Variants in FNIP1 observed in about 807,000 individuals in gnomAD.
FNIP1 encodes the protein folliculin-interacting protein 1.
In FNIP1, 40 loss-of-function variants were observed where a neutral mutation model predicts 124.5. That is an observed-to-expected ratio of 0.32 (90% CI 0.25 to 0.42). The LOEUF is 0.42. Among genes scored for constraint, FNIP1 ranks in the 10% least tolerant of loss-of-function variants. The pLI, the probability that FNIP1 is intolerant of heterozygous loss-of-function variation, is 1.00. For missense variants in FNIP1, 1,176 were observed against 1,403.7 expected, an observed-to-expected ratio of 0.84 and a Z score of 2.59; for synonymous variants, 472 against 470.6, an observed-to-expected ratio of 1.00 and a Z score of -0.04.
chr5:131,666,601 G>A (rs1248215691), intron 15 of FNIP1, among the ~76,000 whole-genome samples: 1 of 152,070 alleles, frequency 6.6e-6, no homozygotes, highest in Non-Finnish European at 1.5e-5. Context: ...CCCCATCTAT[G>A]TAACTTAAAA....
chr5:131,641,884 T>G lies in FNIP1; in HGVS notation c.*2801A>C, dbSNP rs1766729063. 6.5e-6 allele frequency: 1 copy of G among 152,736 alleles called. No homozygotes were observed. The highest frequency in any genetic ancestry group is 2.1e-4 in the South Asian group (1 of 4,832). 9.5% of individuals were successfully genotyped at this position (152,736 alleles called of 1,614,324 possible). On this transcript the variant is annotated 3_prime_UTR_variant, in exon 18 of 18. Coordinates refer to ENST00000510461, the MANE Select transcript of FNIP1 (RefSeq NM_133372.3). The stretch of plus-strand genomic sequence containing the variant: ...AATCTCATAAGACATCTACCAGAAG[T>G]AGGCATTATGTAAAATCTGTTTTTT...
chr5:131,659,136 C>T (rs1767312892), intron 15 of FNIP1, among the ~76,000 whole-genome samples: 1 of 152,106 alleles, frequency 6.6e-6, no homozygotes, highest in Non-Finnish European at 1.5e-5. Flanking sequence ...GACAGCAAGG[C>T]CAGGATGGAG....
At chr5:131,700,529 G>C (rs182819084) in intron 10 of FNIP1, among the ~76,000 whole-genome samples, 1 of 152,274 alleles carries the variant, frequency 6.6e-6, no homozygotes, top group Admixed American at 6.5e-5. Flanking sequence ...AAGCTTCAGA[G>C]GGTGAAAGTG....
chr5:131,690,016 C>G (rs1340257305), intron 11 of FNIP1, among the ~76,000 whole-genome samples: 5 of 151,926 alleles, frequency 3.3e-5, no homozygotes, highest in Non-Finnish European at 1.5e-5. Context: ...GTCAGGAGAT[C>G]GAGGCCATCC....
At chr5:131,691,090 A>T (rs1768464713) in intron 11 of FNIP1, among the ~76,000 whole-genome samples, 1 of 152,200 alleles carries the variant, frequency 6.6e-6, no homozygotes, top group Non-Finnish European at 1.5e-5. Context: ...ATTTGCCAAA[A>T]TGGACCACAT....
intron 15 of FNIP1, among the ~76,000 whole-genome samples, chr5:131,658,854 C>G (rs1767292238): frequency 7.4e-6 from 1 of 134,534 alleles, no homozygotes; most frequent in Non-Finnish European, 1.5e-5. Flanking sequence ...GATGCTTGCT[C>G]CAGCTGACTG....
rs763829424 is a variant in FNIP1 at position 131,796,849 on chromosome 5, C to A, written c.73G>T (p.Asp25Tyr). ...CCCTACCTGAACCCGCAATCTGGGT[C>A]CCGGGCGTCGCGGCCGGGCGCGCCC... is the stretch of plus-strand genomic sequence containing the variant. ...GLGAPGRDAR[D>Y]PDCGFSWPLP... Residue 25 changes from aspartate (D) to tyrosine (Y), a missense_variant, in exon 1 of 18, where the codon GAC becomes TAC. Around this residue, in one of 2 missense-constraint regions of FNIP1, gnomAD observed 1,109 missense variants for 1,288.5 expected, o/e 0.86. Transcript: ENST00000510461. 6.3e-7 allele frequency: 1 copy of A among 1,599,952 alleles called. No homozygotes were observed. Among genetic ancestry groups the A allele is most frequent in the South Asian group, 1.1e-5 (1 of 88,950 alleles).
chr5:131,650,030 A>G (rs562839214), intron 16 of FNIP1, among the ~76,000 whole-genome samples: 7 of 152,290 alleles, frequency 4.6e-5, no homozygotes, highest in Admixed American at 6.5e-5. Context: ...TAGCTTTGTA[A>G]TAAGTTTTGA....
In FNIP1 at chr5:131,672,780, T is replaced by G. The variant is rs1767803088; in HGVS notation, c.1664A>C (p.Glu555Ala). The change falls in exon 14 of 18, where the codon GAA becomes GCA. Residue 555 changes from glutamate to alanine, a missense_variant. By Grantham distance (107) the Glu-to-Ala change is moderately radical. This residue lies in a region of FNIP1 where 1,109 missense variants were observed against 1,288.5 expected (regional missense o/e 0.86). Transcript: ENST00000510461. ...CSELQETHLL[E>A]NGEDEAIVMP... is the part of the protein sequence containing the mutation. Reference sequence around the variant, plus strand: ...AACGATGGCTTCATCTTCTCCATTTTCTAAAAGATGCGTTTCTTGAAGTTC... The same window carrying G: ...AACGATGGCTTCATCTTCTCCATTTGCTAAAAGATGCGTTTCTTGAAGTTC... 1 of 1,613,574 alleles carries G rather than the reference T, an allele frequency of 6.2e-7. No homozygotes were observed. Among genetic ancestry groups the G allele is most frequent in the African/African-American group, 1.3e-5 (1 of 74,892 alleles).
chr5:131,729,981 TC>T (rs1770023489), intron 3 of FNIP1, among the ~76,000 whole-genome samples: 1 of 151,874 alleles, frequency 6.6e-6, no homozygotes, highest in African/African-American at 2.4e-5. Flanking sequence ...CCTCAGGTGA[TC>T]CGCCCACCTC....
intron 1 of FNIP1, among the ~76,000 whole-genome samples, chr5:131,768,161 G>A (rs1379650426): frequency 1.3e-5 from 2 of 152,012 alleles, no homozygotes; most frequent in African/African-American, 2.4e-5. Context: ...AATTTAACAT[G>A]CATAAAATTA....
chr5:131,757,318 A>C (rs1319066356), intron 1 of FNIP1, among the ~76,000 whole-genome samples: 1 of 152,186 alleles, frequency 6.6e-6, no homozygotes, highest in Non-Finnish European at 1.5e-5. Flanking sequence ...GAAGGCCAAA[A>C]TGTTAGATGT....
chr5:131,732,921 G>A (rs1411232305), intron 2 of FNIP1, among the ~76,000 whole-genome samples: 19 of 152,302 alleles, frequency 1.2e-4, no homozygotes, highest in Non-Finnish European at 7.4e-5. Flanking sequence ...ACCTTGGGCA[G>A]TATGGCTATT....
At chr5:131,764,449 T>C (rs1771352131) in intron 1 of FNIP1, among the ~76,000 whole-genome samples, 1 of 151,382 alleles carries the variant, frequency 6.6e-6, no homozygotes, top group Non-Finnish European at 1.5e-5. Context: ...GGACCACAGG[T>C]GTCCACCACC....
chr5:131,780,112 C>T (rs1426465348), intron 1 of FNIP1, among the ~76,000 whole-genome samples: 1 of 152,028 alleles, frequency 6.6e-6, no homozygotes, highest in Non-Finnish European at 1.5e-5. Flanking sequence ...GACACTGACA[C>T]ATTCAAAGCC....
At chr5:131,753,576 T>C (rs1025915001) in intron 1 of FNIP1, among the ~76,000 whole-genome samples, 8 of 152,166 alleles carry the variant, frequency 5.3e-5, no homozygotes, top group African/African-American at 1.4e-4. Flanking sequence ...AAAGCAGTGA[T>C]CAGGGATAGG....
chr5:131,745,387 G>A (rs1770643183), intron 1 of FNIP1, among the ~76,000 whole-genome samples: 1 of 152,076 alleles, frequency 6.6e-6, no homozygotes, highest in African/African-American at 2.4e-5. Context: ...AGGCATGGCA[G>A]CACACATCTG....
intron 1 of FNIP1, among the ~76,000 whole-genome samples, chr5:131,787,953 C>T (rs562845956): frequency 6.6e-6 from 1 of 152,192 alleles, no homozygotes; most frequent in South Asian, 2.1e-4. Context: ...CAACTCAAGC[C>T]TGGGTGACAC....
At position 131,693,348 on chromosome 5, in the gene FNIP1, A is replaced by G. The variant is rs552798268; in HGVS notation, c.1202+5569T>C. On this transcript the variant is annotated intron_variant, in intron 11 of 17. Coordinates refer to ENST00000510461, the MANE Select transcript of FNIP1 (RefSeq NM_133372.3). ...TATATATATACATATATATATATAT[A>G]TATATATATATATAGTTACAGAGAT... Among the ~76,000 whole-genome samples the G allele has an allele frequency of 1.2e-3, 164 of 133,640 alleles. 2 individuals are homozygous for G. The highest frequency in any genetic ancestry group is 4.3e-3 in the African/African-American group (154 of 35,636). The allele number at this position is 133,640 out of a possible 152,430, so 87.7% of individuals were successfully genotyped here. A position where few individuals can be genotyped will look rare whatever the true frequency, so the allele number is the denominator to read the frequency against.
Sources: allele counts gnomAD v4.1 joint callset (sites outside exome capture counted in the v4.1 genomes callset), GRCh38; gene constraint gnomAD v4.1.1; regional missense constraint gnomAD v4.1.1; transcripts MANE v1.5; gene names NCBI Gene and HGNC (gene_info 2026-07-23, HGNC 2026-07-21).